Variants in ARHGAP36 observed in about 807,000 individuals in gnomAD.
The protein encoded by ARHGAP36 is rho GTPase-activating protein 36.
ARHGAP36 carries 7 observed loss-of-function variants against 32.9 expected under a neutral mutation model. The ratio of observed to expected loss-of-function variants is 0.21; its 90% CI spans 0.12 to 0.40. The LOEUF (loss-of-function observed/expected upper bound fraction) is 0.40, where lower values mean the gene tolerates loss of function less well. Ranked by LOEUF, ARHGAP36 falls within the 10% of genes least tolerant of loss-of-function variation. The pLI is 1.00. For missense variants in ARHGAP36, 383 were observed against 442.2 expected (o/e 0.87, Z 1.20); for synonymous variants, 165 against 168.3 (o/e 0.98, Z 0.15).
At chrX:131,068,655 T>G in intron 1 of ARHGAP36, among the ~76,000 whole-genome samples, 1 of 91,859 alleles carries the variant, frequency 1.1e-5, no homozygotes, top group African/African-American at 4.0e-5. Flanking sequence ...GGACATGTGC[T>G]TCTCTCCCCG....
chrX:131,086,520 A>G, intron 10 of ARHGAP36, 39 bp from the exon 11 acceptor site: 1 of 1,203,416 alleles, frequency 8.3e-7, no homozygotes, highest in Non-Finnish European at 1.1e-6. Flanking sequence ...AAGTAACGCA[A>G]GTACACAAAC....
chrX:131,064,199 G>T (rs2079685035), intron 1 of ARHGAP36, among the ~76,000 whole-genome samples: 1 of 112,046 alleles, frequency 8.9e-6, no homozygotes, highest in African/African-American at 3.3e-5. Context: ...GTGGAGGGAA[G>T]TCTGGACAGT....
intron 1 of ARHGAP36, among the ~76,000 whole-genome samples, chrX:131,065,019 C>T (rs1006722633): frequency 6.3e-5 from 6 of 94,606 alleles, no homozygotes; most frequent in Admixed American, 1.2e-4. Context: ...CGATTTTAAG[C>T]TCCAAGGAAG....
Position 131,081,710 on chromosome X carries a change from C to T in ARHGAP36, c.45C>T (p.Cys15=). 6 of 1,211,415 alleles carry T rather than the reference C, an allele frequency of 5.0e-6. No homozygotes were observed. The highest frequency in any genetic ancestry group is 6.7e-6 in the Non-Finnish European group (6 of 895,403). Residue 15 remains cysteine, a synonymous_variant, in exon 2 of 12, where the codon TGC becomes TGT. Coordinates refer to ENST00000276211, the MANE Select transcript of ARHGAP36 (RefSeq NM_144967.4). ...TTCTGAAGGCAGCAAGGGCACTGTG[C>T]CCCAGAATCATGCCCCCTTTGCTGT... ...IPFLKAARAL[C]PRIMPPLLLL... is the part of the protein sequence containing the mutation.
chrX:131,078,967 G>A lies in ARHGAP36; in HGVS notation c.-142-2557G>A, dbSNP rs761764818. 4.5e-5 allele frequency among the ~76,000 whole-genome samples: 5 copies of A among 111,604 alleles called. No individual in the cohort carries two copies. The South Asian group carries it at 1.9e-3, about 42-fold the overall frequency. On this transcript the variant is annotated intron_variant, in intron 1 of 11. Transcript: ENST00000276211. The stretch of plus-strand genomic sequence containing the variant: ...TTGTTGATTGGGGATTTTACTGTTT[G>A]TTCTTACCTTATATTTGGGGGAGAG...
At chrX:131,065,931 C>A (rs1427223833) in intron 1 of ARHGAP36, among the ~76,000 whole-genome samples, 1 of 112,142 alleles carries the variant, frequency 8.9e-6, no homozygotes, top group African/African-American at 3.2e-5. Flanking sequence ...TCTCTATCCA[C>A]CCCCTGACCT....
At chrX:131,082,027 C>T in intron 2 of ARHGAP36, 109 bp downstream of exon 2, 1 of 970,594 alleles carries the variant, frequency 1.0e-6, no homozygotes, top group Non-Finnish European at 1.4e-6. Flanking sequence ...CACGCCTGAT[C>T]TCGGACTTGA....
At chrX:131,071,166 CAGAGAG>C (rs112542239) in intron 1 of ARHGAP36, among the ~76,000 whole-genome samples, 17 of 106,323 alleles carry the variant, frequency 1.6e-4, no homozygotes, top group Non-Finnish European at 3.1e-4. Flanking sequence ...AGAGAGAAGA[CAGAGAG>C]AGAGAGAGAG....
intron 7 of ARHGAP36, 140 bp from the exon 8 acceptor site, chrX:131,085,447 CT>C: frequency 1.3e-6 from 1 of 777,857 alleles, no homozygotes; most frequent in Non-Finnish European, 1.8e-6. Context: ...AGCTCAAATG[CT>C]TTGGAAATGA....
At chrX:131,065,209 T>G (rs1433721566) in intron 1 of ARHGAP36, among the ~76,000 whole-genome samples, 1 of 111,942 alleles carries the variant, frequency 8.9e-6, no homozygotes, top group Admixed American at 9.5e-5. Flanking sequence ...GGCCCAGGAC[T>G]GCATCTTTGG....
At chrX:131,064,741 C>G (rs1264529504) in intron 1 of ARHGAP36, among the ~76,000 whole-genome samples, 1 of 110,837 alleles carries the variant, frequency 9.0e-6, no homozygotes, top group African/African-American at 3.3e-5. Context: ...CTTTCTCTGC[C>G]CTCCCCACAT....
At chrX:131,065,973 G>A (rs910622286) in intron 1 of ARHGAP36, among the ~76,000 whole-genome samples, 3 of 111,879 alleles carry the variant, frequency 2.7e-5, no homozygotes, top group Admixed American at 9.4e-5. Flanking sequence ...TTCCCTGGGG[G>A]CTAAGCTGGG....
chrX:131,058,634 G>C (rs1032235680), intron 1 of ARHGAP36, among the ~76,000 whole-genome samples, 190 bp downstream of exon 1: 2 of 113,661 alleles, frequency 1.8e-5, no homozygotes, highest in Admixed American at 9.2e-5. Flanking sequence ...CAGCTTTGCC[G>C]GGAACCGCGA....
At position 131,084,993 on chromosome X, in the gene ARHGAP36, A is replaced by G. The variant is rs140912896; in HGVS notation, c.884A>G (p.Lys295Arg). Residue 295 changes from lysine (K) to arginine (R), a missense_variant, in exon 7 of 12, where the codon AAG becomes AGG. Coordinates refer to ENST00000276211, the MANE Select transcript of ARHGAP36 (RefSeq NM_144967.4). ...QNVHDVAALL[K>R]EFFRDMKDSL... ...GTGCATGATGTGGCTGCACTCCTCAAGGAGTTTTTCCGTGACATGAAGGAT... is the reference window on the plus strand; with the variant it reads ...GTGCATGATGTGGCTGCACTCCTCAGGGAGTTTTTCCGTGACATGAAGGAT... 49 of 1,210,069 alleles carry G rather than the reference A, an allele frequency of 4.0e-5. 1 individual carries two copies. The highest frequency in any genetic ancestry group is 4.0e-5 in the Non-Finnish European group (36 of 895,260).
At chrX:131,072,129 C>G (rs998148459) in intron 1 of ARHGAP36, among the ~76,000 whole-genome samples, 10 of 110,143 alleles carry the variant, frequency 9.1e-5, no homozygotes, top group Non-Finnish European at 1.7e-4. Context: ...CCTGACTTCT[C>G]TAAGTGCCTA....
Position 131,084,080 on chromosome X carries a change from A to G in ARHGAP36, c.555+111A>G, listed in dbSNP as rs1034383310. ...CAGAGGCAGGGGGGAGCTGAACACA[A>G]TATGTTGAAGTGGTGTCCTTGGCTT... On this transcript the variant is annotated intron_variant, in intron 4 of 11. Coordinates refer to ENST00000276211, the MANE Select transcript of ARHGAP36 (RefSeq NM_144967.4). 55 of 1,049,610 alleles carry G rather than the reference A, an allele frequency of 5.2e-5. 1 individual carries two copies. The Admixed American group carries it at 1.3e-3, about 26-fold the overall frequency. The allele number at this position is 1,049,610 out of a possible 1,213,427, so 86.5% of individuals were successfully genotyped here.
intron 1 of ARHGAP36, among the ~76,000 whole-genome samples, chrX:131,067,393 C>T (rs2148636672): frequency 8.8e-6 from 1 of 113,528 alleles, no homozygotes; most frequent in East Asian, 2.8e-4. Context: ...CAATCACGTG[C>T]GGTGCCCTCC....
chrX:131,075,823 T>C (rs916112580), intron 1 of ARHGAP36, among the ~76,000 whole-genome samples: 5 of 111,218 alleles, frequency 4.5e-5, no homozygotes, highest in Admixed American at 3.8e-4. Flanking sequence ...AGAACTGCTA[T>C]GGTTTGGTGG....
At chrX:131,077,764 CATATATATATATATATATAT>C (rs72142237) in intron 1 of ARHGAP36, among the ~76,000 whole-genome samples, 73 of 87,030 alleles carry the variant, frequency 8.4e-4, no homozygotes, top group African/African-American at 1.2e-3. Flanking sequence ...CAAATAAAAT[CATATATATATATATATATAT>C]ATATATATAT....
Sources: gnomAD v4.1 joint callset for allele counts (sites outside exome capture counted in the v4.1 genomes callset) on GRCh38, gnomAD v4.1.1 for gene constraint, MANE v1.5 for transcripts, NCBI Gene and HGNC (gene_info 2026-07-23, HGNC 2026-07-21) for gene names.